Variants in CCDC148 observed in about 807,000 individuals in gnomAD.
The protein encoded by CCDC148 is coiled-coil domain-containing protein 148.
In CCDC148, 89 loss-of-function variants were observed where a neutral mutation model predicts 85.7. The ratio of observed to expected loss-of-function variants is 1.04; its 90% CI spans 0.87 to 1.24. The LOEUF is 1.24. CCDC148 is among the 50% of genes most tolerant of loss of function. CCDC148 has a pLI of 0.00. For synonymous variants in CCDC148, 230 were observed against 213.9 expected, an observed-to-expected ratio of 1.08 and a Z score of -0.66; for missense variants, 692 against 671.7, an observed-to-expected ratio of 1.03 and a Z score of -0.33.
chr2:158,333,938 A>G (rs1038648199), intron 7 of CCDC148, among the ~76,000 whole-genome samples: 4 of 152,098 alleles, frequency 2.6e-5, no homozygotes, highest in Admixed American at 2.6e-4. Flanking sequence ...CAAGTTTACA[A>G]TCAGCTAGCC....
At chr2:158,433,029 G>C (rs1687427738) in intron 1 of CCDC148, among the ~76,000 whole-genome samples, 3 of 142,038 alleles carry the variant, frequency 2.1e-5, no homozygotes, top group Admixed American at 7.4e-5. Context: ...CTTCAGCTCA[G>C]GAGTATGAGA....
chr2:158,215,365 T>C (rs1686794554), intron 11 of CCDC148, among the ~76,000 whole-genome samples: 1 of 152,170 alleles, frequency 6.6e-6, no homozygotes, highest in Admixed American at 6.5e-5. Context: ...TTTTGAAGTT[T>C]GTGCTCTACA....
chr2:158,280,038 T>C (rs1205959392), intron 9 of CCDC148, among the ~76,000 whole-genome samples: 1 of 151,474 alleles, frequency 6.6e-6, no homozygotes, highest in East Asian at 1.9e-4. Flanking sequence ...GCTTCATAAG[T>C]GAAGGAGAAA....
rs568657260 is a variant in CCDC148, at chr2:158,408,738, TTGAA to T, written c.25+47673_25+47676del. Among the ~76,000 whole-genome samples, 19 of 152,232 alleles carry T rather than the reference TTGAA, an allele frequency of 1.2e-4. No homozygotes were observed. In the East Asian group the frequency reaches 3.5e-3, roughly 28 times the overall value. Reference sequence around the variant, plus strand: ...TTGCAATTAACTGATTTCATTTCCTTTGAATACATATATTTTTTGAATATATATA... The same window carrying T: ...TTGCAATTAACTGATTTCATTTCCTTTACATATATTTTTTGAATATATATA... On this transcript the variant is annotated intron_variant, in intron 1 of 13. Transcript: ENST00000283233.
At position 158,456,710 on chromosome 2, in the gene CCDC148, C is replaced by T. The variant is rs866868051; in HGVS notation, c.-271G>A. 9 of 527,586 alleles carry T rather than the reference C, an allele frequency of 1.7e-5. No individual in the cohort carries two copies. Among genetic ancestry groups the T allele is most frequent in the Non-Finnish European group, 3.0e-5 (9 of 295,196 alleles). 32.7% of individuals were successfully genotyped at this position (527,586 alleles called of 1,614,324 possible). On this transcript the variant is annotated 5_prime_UTR_variant, in exon 1 of 14. Transcript: ENST00000283233. ...CCTGAGACACCTTCTCTCTCACACCCACCCTCTCCAGGCCCTCTCGCGCTG... is the reference window on the plus strand; with the variant it reads ...CCTGAGACACCTTCTCTCTCACACCTACCCTCTCCAGGCCCTCTCGCGCTG...
chr2:158,399,162 C>T (rs569355571), intron 1 of CCDC148, among the ~76,000 whole-genome samples: 25 of 152,106 alleles, frequency 1.6e-4, no homozygotes, highest in Non-Finnish European at 3.4e-4. Context: ...AAGTCCAGGA[C>T]CAGATGGATT....
chr2:158,196,448 C>A (rs530184947), intron 11 of CCDC148, among the ~76,000 whole-genome samples: 3 of 152,116 alleles, frequency 2.0e-5, no homozygotes, highest in East Asian at 3.9e-4. Context: ...CTCCTCCCCC[C>A]AGCCAGTTGT....
chr2:158,339,504 C>A (rs976271935), intron 5 of CCDC148, among the ~76,000 whole-genome samples: 7 of 151,962 alleles, frequency 4.6e-5, no homozygotes, highest in Non-Finnish European at 7.4e-5. Context: ...ATAGAAAAAA[C>A]CACCTAAATT....
chr2:158,311,586 T>G (rs1242102294), intron 8 of CCDC148, among the ~76,000 whole-genome samples: 1 of 152,210 alleles, frequency 6.6e-6, no homozygotes. Flanking sequence ...GTAATGATTC[T>G]ATGAGCAGAA....
chr2:158,351,954 C>CCA (rs1683329055), intron 2 of CCDC148, among the ~76,000 whole-genome samples: 1 of 145,292 alleles, frequency 6.9e-6, no homozygotes, highest in Non-Finnish European at 1.5e-5. Context: ...AGGCACCCCC[C>CCA]AGCAGGGGCA....
intron 2 of CCDC148, among the ~76,000 whole-genome samples, chr2:158,347,494 T>A (rs1291889117): frequency 6.6e-6 from 1 of 152,112 alleles, no homozygotes; most frequent in East Asian, 1.9e-4. Context: ...TAAAGTTCTA[T>A]CTTTAACAAC....
At chr2:158,282,163 T>C (rs1479578986) in intron 9 of CCDC148, among the ~76,000 whole-genome samples, 28 of 151,968 alleles carry the variant, frequency 1.8e-4, no homozygotes, top group East Asian at 5.8e-4. Flanking sequence ...AAACCCACAG[T>C]CAATATCATA....
At chr2:158,183,241 T>C (rs1426513733) in intron 11 of CCDC148, among the ~76,000 whole-genome samples, 2 of 152,154 alleles carry the variant, frequency 1.3e-5, no homozygotes, top group African/African-American at 4.8e-5. Flanking sequence ...CCTCCAGGCC[T>C]GAGTGTAGTT....
chr2:158,278,792 G>A (rs772573491), intron 9 of CCDC148, among the ~76,000 whole-genome samples: 9 of 152,238 alleles, frequency 5.9e-5, no homozygotes, highest in African/African-American at 1.2e-4. Flanking sequence ...CCCAGCACGC[G>A]GATGGAGATC....
intron 1 of CCDC148, among the ~76,000 whole-genome samples, chr2:158,376,273 T>G (rs898864189): frequency 1.2e-4 from 18 of 152,110 alleles, no homozygotes; most frequent in Admixed American, 2.6e-4. Flanking sequence ...TTAAAAGATA[T>G]GTCAGTGGTT....
intron 1 of CCDC148, among the ~76,000 whole-genome samples, chr2:158,379,581 G>A (rs1001063017): frequency 2.0e-5 from 3 of 152,074 alleles, no homozygotes; most frequent in Non-Finnish European, 4.4e-5. Context: ...AGAGTCAATT[G>A]ATGTGTCAAA....
chr2:158,192,515 A>G (rs550127517), intron 11 of CCDC148, among the ~76,000 whole-genome samples: 2 of 152,216 alleles, frequency 1.3e-5, no homozygotes, highest in African/African-American at 4.8e-5. Flanking sequence ...TTTTATTTTA[A>G]TAAAGTTTAC....
intron 1 of CCDC148, among the ~76,000 whole-genome samples, chr2:158,373,504 A>G (rs1684535630): frequency 6.6e-6 from 1 of 152,000 alleles, no homozygotes; most frequent in Admixed American, 6.6e-5. Flanking sequence ...CTCTCTGACC[A>G]ATACCTACTT....
intron 11 of CCDC148, among the ~76,000 whole-genome samples, chr2:158,180,277 G>A (rs1684830924): frequency 6.6e-6 from 1 of 152,124 alleles, no homozygotes. Context: ...TGTGCTAAGT[G>A]CTTTATATGT....
Sources: gnomAD v4.1 joint callset for allele counts (sites outside exome capture counted in the v4.1 genomes callset) on GRCh38, gnomAD v4.1.1 for gene constraint, MANE v1.5 for transcripts, NCBI Gene and HGNC (gene_info 2026-07-23, HGNC 2026-07-21) for gene names.